Variants in SKAP1 observed in about 807,000 individuals in gnomAD.
The protein encoded by SKAP1 is src kinase associated phosphoprotein 1.
SKAP1 carries 44 observed loss-of-function variants against 58.5 expected under a neutral mutation model. The observed-to-expected ratio is 0.75, with a 90% CI of 0.59 to 0.97. The LOEUF (loss-of-function observed/expected upper bound fraction) is 0.97, where lower values mean the gene tolerates loss of function less well. Ranked by LOEUF, SKAP1 falls within the 50% of genes least tolerant of loss-of-function variation. The pLI is 0.00. For missense variants in SKAP1, 390 were observed against 435.2 expected (o/e 0.90, Z 0.92); for synonymous variants, 127 against 149.7 (o/e 0.85, Z 1.11).
intron 2 of SKAP1, among the ~76,000 whole-genome samples, chr17:48,385,065 T>C (rs570627436): frequency 6.6e-6 from 1 of 152,188 alleles, no homozygotes; most frequent in South Asian, 2.1e-4. Context: ...TGAGAATCAA[T>C]GGAGAGTTTT....
At chr17:48,264,712 A>C (rs16954446) in intron 4 of SKAP1, among the ~76,000 whole-genome samples, 13,819 of 151,332 alleles carry the variant, frequency 0.091, 958 homozygotes, top group African/African-American at 0.17. Context: ...TAAATAAAGC[A>C]ATACTTAAAC....
chr17:48,430,270 C>T (rs2067902379), upstream of SKAP1: 2 of 487,310 alleles, frequency 4.1e-6, no homozygotes, highest in South Asian at 1.0e-4. Context: ...GCCGTGGGTC[C>T]CCGGGCGCGT....
intron 4 of SKAP1, among the ~76,000 whole-genome samples, chr17:48,197,892 G>A (rs891825500): frequency 6.6e-6 from 1 of 152,178 alleles, no homozygotes; most frequent in East Asian, 1.9e-4. Flanking sequence ...CTTGCAAGAT[G>A]CTCTCTTCCA....
intron 4 of SKAP1, among the ~76,000 whole-genome samples, chr17:48,253,603 T>C (rs1337715362): frequency 6.6e-6 from 1 of 152,152 alleles, no homozygotes; most frequent in African/African-American, 2.4e-5. Flanking sequence ...ATACTTCTCT[T>C]AGGCATAGGT....
At chr17:48,255,486 A>G (rs912488401) in intron 4 of SKAP1, among the ~76,000 whole-genome samples, 1 of 151,422 alleles carries the variant, frequency 6.6e-6, no homozygotes, top group Admixed American at 6.6e-5. Context: ...ATATGGTATA[A>G]CAGGATACAA....
chr17:48,225,018 C>G (rs2065051072), intron 4 of SKAP1, among the ~76,000 whole-genome samples: 1 of 152,122 alleles, frequency 6.6e-6, no homozygotes, highest in African/African-American at 2.4e-5. Flanking sequence ...CTACAAATAA[C>G]TATAGGGGGC....
At chr17:48,407,964 A>G (rs1012886127) in intron 1 of SKAP1, among the ~76,000 whole-genome samples, 1 of 152,206 alleles carries the variant, frequency 6.6e-6, no homozygotes, top group East Asian at 1.9e-4. Flanking sequence ...CCATTAGTAA[A>G]TGCAATCAAG....
intron 4 of SKAP1, among the ~76,000 whole-genome samples, chr17:48,238,806 C>T (rs2065211417): frequency 6.6e-6 from 1 of 152,124 alleles, no homozygotes; most frequent in South Asian, 2.1e-4. Flanking sequence ...TATTGTGATC[C>T]TTGTCACACT....
At chr17:48,282,841 T>C (rs961421393) in intron 4 of SKAP1, among the ~76,000 whole-genome samples, 7 of 151,682 alleles carry the variant, frequency 4.6e-5, no homozygotes, top group Non-Finnish European at 7.4e-5. Flanking sequence ...AAATTGCACA[T>C]TTTTGTGCTC....
At chr17:48,369,987 T>C (rs948481873) in intron 2 of SKAP1, among the ~76,000 whole-genome samples, 8 of 152,190 alleles carry the variant, frequency 5.3e-5, no homozygotes, top group African/African-American at 1.9e-4. Flanking sequence ...TTGAATGTCT[T>C]CTATGACAAG....
chr17:48,303,238 C>T (rs1288756165), intron 4 of SKAP1, among the ~76,000 whole-genome samples: 2 of 152,116 alleles, frequency 1.3e-5, no homozygotes, highest in Admixed American at 1.3e-4. Flanking sequence ...AAGACATTAC[C>T]AGGTGATGAG....
At chr17:48,278,656 A>G (rs9899213) in intron 4 of SKAP1, among the ~76,000 whole-genome samples, 50,069 of 152,030 alleles carry the variant, frequency 0.33, 8,966 homozygotes, top group African/African-American at 0.47. Context: ...AGGGATGGAG[A>G]GTAACAGAAG....
At chr17:48,349,564 A>G (rs974709462) in intron 3 of SKAP1, among the ~76,000 whole-genome samples, 48 of 152,186 alleles carry the variant, frequency 3.2e-4, no homozygotes, top group Non-Finnish European at 8.8e-5. Flanking sequence ...TAGTGGAACT[A>G]TATCAAGGGT....
intron 2 of SKAP1, among the ~76,000 whole-genome samples, chr17:48,382,762 C>A (rs1288084240): frequency 6.6e-6 from 1 of 152,104 alleles, no homozygotes; most frequent in Admixed American, 6.5e-5. Flanking sequence ...CCATCTTAAC[C>A]AAAAGTTGGA....
At chr17:48,279,915 T>C (rs868771439) in intron 4 of SKAP1, among the ~76,000 whole-genome samples, 17 of 152,176 alleles carry the variant, frequency 1.1e-4, no homozygotes, top group Non-Finnish European at 1.8e-4. Context: ...AGGCCAGCAT[T>C]TAACCCAAGG....
At chr17:48,318,347 C>A (rs1242470777) in intron 4 of SKAP1, among the ~76,000 whole-genome samples, 1 of 152,210 alleles carries the variant, frequency 6.6e-6, no homozygotes, top group Non-Finnish European at 1.5e-5. Context: ...ATACCCAAAG[C>A]AGGAGGCTGG....
intron 3 of SKAP1, among the ~76,000 whole-genome samples, chr17:48,350,421 C>A (rs185689251): frequency 2.6e-5 from 4 of 152,146 alleles, no homozygotes; most frequent in Non-Finnish European, 5.9e-5. Context: ...TGCAGCCGGG[C>A]GTGGTGGCTC....
rs943819184 is a variant in SKAP1, at chr17:48,364,275, AT to A, written c.153-462del. ...ACATCTCAAATGCCTCTGAAGCCTA[AT>A]TTTTTTTTTCTCTGTTACCCAGGCT... On this transcript the variant is annotated intron_variant, in intron 2 of 12. Transcript: ENST00000336915. Among the ~76,000 whole-genome samples the A allele has an allele frequency of 3.4e-3, 515 of 150,768 alleles. 1 individual carries two copies. Among genetic ancestry groups the A allele is most frequent in the African/African-American group, 0.012 (474 of 41,146 alleles).
chr17:48,237,165 T>C (rs2065190845), intron 4 of SKAP1, among the ~76,000 whole-genome samples: 1 of 152,214 alleles, frequency 6.6e-6, no homozygotes, highest in African/African-American at 2.4e-5. Context: ...TGTGCCCTAA[T>C]CATTTCAGGT....
Sources: allele counts gnomAD v4.1 joint callset (sites outside exome capture counted in the v4.1 genomes callset), GRCh38; gene constraint gnomAD v4.1.1; transcripts MANE v1.5; gene names NCBI Gene and HGNC (gene_info 2026-07-23, HGNC 2026-07-21).